GFRA1: variants seen among roughly 807,000 people sequenced by gnomAD.
The protein encoded by GFRA1 is GDNF family receptor alpha 1.
A neutral mutation model predicts 51.6 loss-of-function variants in GFRA1; 16 were observed. That is an observed-to-expected ratio of 0.31 (90% CI 0.21 to 0.47). GFRA1 has a LOEUF of 0.47. Among genes scored for constraint, GFRA1 ranks in the 20% least tolerant of loss-of-function variants. The pLI is 1.00. For missense variants in GFRA1, 530 were observed against 594.3 expected (o/e 0.89, Z 1.13); for synonymous variants, 270 against 241.3 (o/e 1.12, Z -1.10).
At chr10:116,071,901 G>A (rs2133798325) in intron 9 of GFRA1, among the ~76,000 whole-genome samples, 1 of 151,860 alleles carries the variant, frequency 6.6e-6, no homozygotes, top group African/African-American at 2.4e-5. Context: ...CCTGGCTTAT[G>A]TTTTGCATAA....
At chr10:116,126,765 G>A (rs1204073153) in intron 5 of GFRA1, among the ~76,000 whole-genome samples, 2 of 152,170 alleles carry the variant, frequency 1.3e-5, no homozygotes, top group Non-Finnish European at 2.9e-5. Context: ...TGTGCCCCCA[G>A]TTGATAGGGA....
At chr10:116,203,043 G>A (rs112074769) in intron 5 of GFRA1, among the ~76,000 whole-genome samples, 1,579 of 152,172 alleles carry the variant, frequency 0.01, 29 homozygotes, top group African/African-American at 0.036. Context: ...GTGCGATGGG[G>A]GAGGGGTGCT....
chr10:116,250,719 C>T (rs1337872770), intron 4 of GFRA1, among the ~76,000 whole-genome samples: 1 of 152,202 alleles, frequency 6.6e-6, no homozygotes, highest in Non-Finnish European at 1.5e-5. Flanking sequence ...ATGAGTCCCA[C>T]CACCCAAAAA....
chr10:116,242,152 T>TCCA (rs3837368), intron 4 of GFRA1, among the ~76,000 whole-genome samples: 139,333 of 152,082 alleles, frequency 0.92, 64,968 homozygotes, highest in Non-Finnish European at 1. Context: ...GCTTCATCTC[T>TCCA]CTATTCTTGT....
At chr10:116,110,834 CCTACCACCTGCAT>C (rs1178015028) in intron 6 of GFRA1, among the ~76,000 whole-genome samples, 10 of 152,304 alleles carry the variant, frequency 6.6e-5, no homozygotes, top group Non-Finnish European at 1.3e-4. Context: ...AATCCAACCT[CCTACCACCTGCAT>C]CTACCACCTG....
intron 9 of GFRA1, among the ~76,000 whole-genome samples, chr10:116,085,912 G>A (rs1037752949): frequency 8.5e-5 from 13 of 152,150 alleles, no homozygotes; most frequent in South Asian, 6.2e-4. Context: ...TAAGACATGC[G>A]GCTCTCTCAA....
In GFRA1 at chr10:116,195,529, G is replaced by A. The variant is rs142623164; in HGVS notation, c.433+16102C>T. On this transcript the variant is annotated intron_variant, in intron 5 of 10. Transcript: ENST00000355422. The stretch of plus-strand genomic sequence containing the variant: ...TTCCTCACATGTGCAGTTCATAATC[G>A]GGTTCATGCTCTTATATGAATCTAA... Among the ~76,000 whole-genome samples, 137 of 152,256 alleles carry A rather than the reference G, an allele frequency of 9.0e-4. 1 individual carries two copies. Among genetic ancestry groups the A allele is most frequent in the African/African-American group, 3.1e-3 (127 of 41,564 alleles).
intron 5 of GFRA1, among the ~76,000 whole-genome samples, chr10:116,174,091 T>C (rs1487673149): frequency 6.6e-6 from 1 of 151,502 alleles, no homozygotes; most frequent in East Asian, 1.9e-4. Flanking sequence ...AAAAAAAAAG[T>C]CAGTCAGTGG....
At chr10:116,181,804 C>T (rs534442542) in intron 5 of GFRA1, among the ~76,000 whole-genome samples, 74 of 151,666 alleles carry the variant, frequency 4.9e-4, no homozygotes, top group Middle Eastern at 3.4e-3. Context: ...CTACTATGCC[C>T]GGCTAATTTT....
At chr10:116,122,808 ATCCACAGC>A (rs1356643405) in intron 6 of GFRA1, among the ~76,000 whole-genome samples, 4 of 152,316 alleles carry the variant, frequency 2.6e-5, no homozygotes, top group African/African-American at 9.6e-5. Context: ...TGGAAGACTC[ATCCACAGC>A]TCCATTTCTA....
rs2133753663 is a variant in GFRA1, at chr10:116,063,298, A to AAAAG, written c.*1096_*1099dup. The AAAAG allele has an allele frequency of 6.6e-6, 1 of 152,376 alleles. No homozygotes were observed. The highest frequency in any genetic ancestry group is 2.1e-4 in the South Asian group (1 of 4,828). The allele number at this position is 152,376 out of a possible 1,614,324, so 9.4% of individuals were successfully genotyped here. ...GCACGCTTGCACTTCGAGCAATGAC[A>AAAAG]AAAGACAATGCTTGTCTGTTCTGTT... On this transcript the variant is annotated 3_prime_UTR_variant, in exon 11 of 11. Transcript: ENST00000355422.
In GFRA1 at chr10:116,061,302, C is replaced by T. The variant is rs572148041; in HGVS notation, c.*3096G>A. On this transcript the variant is annotated 3_prime_UTR_variant, in exon 11 of 11. Coordinates refer to ENST00000355422, the MANE Select transcript of GFRA1 (RefSeq NM_005264.8). ...CTCCTATCACATTCTAGATCGTTTGCTATACTTCATGAAAAATAACCTATG... is the reference window on the plus strand; with the variant it reads ...CTCCTATCACATTCTAGATCGTTTGTTATACTTCATGAAAAATAACCTATG... 6.6e-6 allele frequency: 1 copy of T among 150,476 alleles called. No individual in the cohort carries two copies. Among genetic ancestry groups the T allele is most frequent in the Non-Finnish European group, 1.5e-5 (1 of 67,832 alleles). The allele number at this position is 150,476 out of a possible 1,614,324, so 9.3% of individuals were successfully genotyped here.
At chr10:116,147,533 A>G (rs1208304124) in intron 5 of GFRA1, among the ~76,000 whole-genome samples, 2 of 134,264 alleles carry the variant, frequency 1.5e-5, no homozygotes, top group African/African-American at 5.4e-5. Context: ...AAGAAAAAAG[A>G]AAGTGCTAGC....
intron 5 of GFRA1, among the ~76,000 whole-genome samples, chr10:116,139,609 A>C (rs1958478764): frequency 6.6e-6 from 1 of 152,242 alleles, no homozygotes; most frequent in African/African-American, 2.4e-5. Flanking sequence ...CACATTCAGC[A>C]CAAGTGCCTG....
intron 5 of GFRA1, among the ~76,000 whole-genome samples, chr10:116,132,422 AT>A (rs780328475): frequency 4.0e-5 from 6 of 151,888 alleles, no homozygotes; most frequent in South Asian, 4.2e-4. Context: ...CATTAACCAT[AT>A]TTTTTTTCCA....
intron 4 of GFRA1, among the ~76,000 whole-genome samples, chr10:116,235,314 T>G (rs1355784319): frequency 6.6e-6 from 1 of 152,104 alleles, no homozygotes; most frequent in Non-Finnish European, 1.5e-5. Context: ...TGAAGTTTGG[T>G]TTTCTGACCT....
chr10:116,233,936 G>C (rs1417628657), intron 4 of GFRA1, among the ~76,000 whole-genome samples: 2 of 152,310 alleles, frequency 1.3e-5, no homozygotes, highest in Middle Eastern at 3.4e-3. Context: ...GATGCTTCTT[G>C]CCAGGGATAT....
intron 5 of GFRA1, among the ~76,000 whole-genome samples, chr10:116,153,898 A>C (rs958981087): frequency 4.6e-5 from 7 of 152,238 alleles, no homozygotes; most frequent in African/African-American, 4.8e-5. Flanking sequence ...TCAGAAAAAG[A>C]CAAGCAACCC....
intron 5 of GFRA1, among the ~76,000 whole-genome samples, chr10:116,206,651 G>A (rs777929445): frequency 1.1e-5 from 1 of 92,844 alleles, no homozygotes; most frequent in East Asian, 2.8e-4. Flanking sequence ...TTTTTGAGAC[G>A]GAGCCTCACT....
Sources: allele counts gnomAD v4.1 joint callset (sites outside exome capture counted in the v4.1 genomes callset), GRCh38; gene constraint gnomAD v4.1.1; transcripts MANE v1.5; gene names NCBI Gene and HGNC (gene_info 2026-07-23, HGNC 2026-07-21).